The following FASTKD1 variants were observed in gnomAD, a reference collection of about 807,000 sequenced individuals.
The protein encoded by FASTKD1 is FAST kinase domains 1, also known as FAST kinase domain-containing protein 1, mitochondrial.
A neutral mutation model predicts 90.9 loss-of-function variants in FASTKD1; 94 were observed. The observed-to-expected ratio is 1.03, with a 90% CI of 0.88 to 1.23. The LOEUF is 1.23. Among genes scored for constraint, FASTKD1 ranks in the 50% most tolerant of loss-of-function variants. The pLI, the probability that FASTKD1 is intolerant of heterozygous loss-of-function variation, is 0.00. For synonymous variants in FASTKD1, 319 were observed against 345.8 expected (o/e 0.92, Z 0.86); for missense variants, 945 against 993.5 (o/e 0.95, Z 0.66).
intron 7 of FASTKD1, among the ~76,000 whole-genome samples, chr2:169,552,064 G>C (rs1221263718): frequency 6.6e-6 from 1 of 152,148 alleles, no homozygotes; most frequent in Non-Finnish European, 1.5e-5. Context: ...AGTTCAAATA[G>C]ACTACATTCC....
chr2:169,571,745 A>C lies in FASTKD1; in HGVS notation c.285T>G (p.His95Gln), dbSNP rs1306190700. 1 of 1,613,888 alleles carries C rather than the reference A, an allele frequency of 6.2e-7. No homozygotes were observed. The highest frequency in any genetic ancestry group is 8.5e-7 in the Non-Finnish European group (1 of 1,179,830). The change falls in exon 2 of 15, where the codon CAT becomes CAG. Residue 95 changes from histidine to glutamine, a missense_variant. Transcript: ENST00000453153. ...AATTATGAAGAGTAAGAAATTGAGG[A>C]TGGTCTCTGACATACTCAGCATTTT... The part of the protein sequence containing the change: ...LLKNAEYVRD[H>Q]PQFLTLHNLA...
rs573563606 is a variant in FASTKD1, at chr2:169,546,521, G to A, written c.1398C>T (p.His466=). ...TSVLRWIQHD[H]MYLDNMTAKQ... ...TCGCAGTCATATTATCCAAATACAT[G>A]TGATCATGCTGAATCCATCTTAAAA... is the stretch of plus-strand genomic sequence containing the variant. Residue 466 remains histidine (H), a synonymous_variant, in exon 8 of 15, where the codon CAC becomes CAT. Coordinates refer to ENST00000453153, the MANE Select transcript of FASTKD1 (RefSeq NM_024622.6). 75 of 1,614,066 alleles carry A rather than the reference G, an allele frequency of 4.6e-5. 1 individual carries two copies. The African/African-American group carries it at 9.1e-4, about 20-fold the overall frequency.
chr2:169,546,761 T>A, intron 7 of FASTKD1, 57 bp from the exon 8 acceptor site: 1 of 1,489,214 alleles, frequency 6.7e-7, no homozygotes, highest in Non-Finnish European at 9.1e-7. Flanking sequence ...TATATATGTA[T>A]TAAAATATGA....
rs781608364 is a variant in FASTKD1, at chr2:169,546,443, T to C, written c.1476A>G (p.Gln492=). ...KLDHYGRQRL[Q]HSNSLDLLRK... ...GTAACAGATCCAAACTGTTGCTGTG[T>C]TGTAGTCTCTGACGACCATAGTGAT... is the stretch of plus-strand genomic sequence containing the variant. Residue 492 remains glutamine (Q), a synonymous_variant, in exon 8 of 15, where the codon CAA becomes CAG. Coordinates refer to ENST00000453153, the MANE Select transcript of FASTKD1 (RefSeq NM_024622.6). The C allele has an allele frequency of 6.2e-7, 1 of 1,614,214 alleles. No individual in the cohort carries two copies. The highest frequency in any genetic ancestry group is 1.3e-5 in the African/African-American group (1 of 75,066).
intron 8 of FASTKD1, among the ~76,000 whole-genome samples, chr2:169,545,425 C>T (rs1273774680): frequency 1.3e-5 from 2 of 152,308 alleles, no homozygotes; most frequent in East Asian, 3.9e-4. Flanking sequence ...TCATCCAATA[C>T]TTAATGACTT....
chr2:169,561,581 C>T (rs1027579532), intron 4 of FASTKD1, among the ~76,000 whole-genome samples: 4 of 151,152 alleles, frequency 2.6e-5, no homozygotes, highest in African/African-American at 9.7e-5. Context: ...TATTAACTCT[C>T]CTTTATGAAA....
chr2:169,532,387 G>A (rs559141165), intron 12 of FASTKD1, among the ~76,000 whole-genome samples: 1 of 149,884 alleles, frequency 6.7e-6, no homozygotes, highest in African/African-American at 2.5e-5. Flanking sequence ...CCTCAGCCTA[G>A]GCAGCAGAGC....
Position 169,563,405 on chromosome 2 carries a change from CATAAT to C in FASTKD1, c.447-60_447-56del. On this transcript the variant is annotated intron_variant, in intron 3 of 14. Coordinates refer to ENST00000453153, the MANE Select transcript of FASTKD1 (RefSeq NM_024622.6). ...TTAGTATTTACTTTCACTTAAAACA[CATAAT>C]ATATAGTTATAAAATTAAAAGCAAT... 13 of 1,271,902 alleles carry C rather than the reference CATAAT, an allele frequency of 1.0e-5. 1 individual carries two copies. The Middle Eastern group carries it at 2.2e-3, about 219-fold the overall frequency. The allele number at this position is 1,271,902 out of a possible 1,614,324, so 78.8% of individuals were successfully genotyped here.
intron 12 of FASTKD1, among the ~76,000 whole-genome samples, chr2:169,532,775 G>A (rs1574363279): frequency 6.6e-6 from 1 of 151,976 alleles, no homozygotes; most frequent in South Asian, 2.1e-4. Flanking sequence ...TCCCAATTTG[G>A]ACAAACTATA....
chr2:169,538,814 G>A (rs1414466177), intron 10 of FASTKD1, among the ~76,000 whole-genome samples: 4 of 151,834 alleles, frequency 2.6e-5, no homozygotes, highest in Admixed American at 2.6e-4. Context: ...GAAACAATCT[G>A]TGACAAATTT....
intron 1 of FASTKD1, among the ~76,000 whole-genome samples, chr2:169,572,524 T>A (rs2105449644): frequency 6.6e-6 from 1 of 150,438 alleles, no homozygotes; most frequent in Non-Finnish European, 1.5e-5. Flanking sequence ...TTCAGAGCCA[T>A]ATATATTTAT....
intron 5 of FASTKD1, 38 bp from the exon 6 acceptor site, chr2:169,557,335 T>G (rs1310935420): frequency 8.3e-7 from 1 of 1,210,632 alleles, no homozygotes; most frequent in South Asian, 1.3e-5. Flanking sequence ...GTTGAAAGAC[T>G]GAAAATTAGC....
chr2:169,530,987 G>C, intron 13 of FASTKD1: 1 of 667,600 alleles, frequency 1.5e-6, no homozygotes, highest in South Asian at 1.4e-5. Flanking sequence ...CAAATATGAA[G>C]CAACACAGCT....
Position 169,563,785 on chromosome 2 carries a change from A to G in FASTKD1, c.447-435T>C, listed in dbSNP as rs1035899532. On this transcript the variant is annotated intron_variant, in intron 3 of 14. Transcript: ENST00000453153. ...AAAAAACAAGCATAAGAAAATTCAC[A>G]GCAACACATATGTAATAGCAAAACC... 2.0e-5 allele frequency among the ~76,000 whole-genome samples: 3 copies of G among 152,224 alleles called. No individual in the cohort carries two copies. The East Asian group carries it at 5.8e-4, about 29-fold the overall frequency.
At chr2:169,561,812 T>TTGTAAATTATTTATTAATTTAC (rs1683643676) in intron 4 of FASTKD1, among the ~76,000 whole-genome samples, 2 of 146,330 alleles carry the variant, frequency 1.4e-5, no homozygotes, top group Non-Finnish European at 3.0e-5. Context: ...TATTAATTTA[T>TTGTAAATTATTTATTAATTTAC]TGTAAATTAT....
chr2:169,555,121 T>TA lies in FASTKD1; in HGVS notation c.1214+2dup. 1 of 1,607,456 alleles carries TA rather than the reference T, an allele frequency of 6.2e-7. No homozygotes were observed. Among genetic ancestry groups the TA allele is most frequent in the Non-Finnish European group, 8.5e-7 (1 of 1,178,050 alleles). On this transcript the variant is annotated splice_region_variant and intron_variant, in intron 7 of 14. Coordinates refer to ENST00000453153, the MANE Select transcript of FASTKD1 (RefSeq NM_024622.6). ...CTAAACAAAATTTCTATTTTAATCT[T>TA]ACCTAAGCAGTAATTCTCTAAGTTT...
intron 3 of FASTKD1, 29 bp from the exon 4 acceptor site, chr2:169,563,379 A>T (rs1683800254): frequency 1.3e-6 from 2 of 1,482,832 alleles, no homozygotes. Context: ...AAAGGAGAAC[A>T]TTAGTATTTA....
At chr2:169,555,072 A>G in intron 7 of FASTKD1, 52 bp downstream of exon 7, 1 of 1,547,912 alleles carries the variant, frequency 6.5e-7, no homozygotes, top group Non-Finnish European at 8.8e-7. Flanking sequence ...AACAAAACAA[A>G]TATTGTGGCT....
rs192434739 is a variant in FASTKD1 at position 169,561,891 on chromosome 2, A to G, written c.573-1106T>C. ...ATTATTTATTAATTTATTGTAAATT[A>G]TTTATTATAAATTATTTATTTATTG... On this transcript the variant is annotated intron_variant, in intron 4 of 14. Transcript: ENST00000453153. Among the ~76,000 whole-genome samples the G allele has an allele frequency of 3.6e-3, 504 of 141,158 alleles. 5 individuals are homozygous for G. Among genetic ancestry groups the G allele is most frequent in the African/African-American group, 0.012 (480 of 38,574 alleles). 92.6% of individuals were successfully genotyped at this position (141,158 alleles called of 152,430 possible). A position where few individuals can be genotyped will look rare whatever the true frequency, so the allele number is the denominator to read the frequency against.
Sources: gnomAD v4.1 joint callset for allele counts (sites outside exome capture counted in the v4.1 genomes callset) on GRCh38, gnomAD v4.1.1 for gene constraint, MANE v1.5 for transcripts, NCBI Gene and HGNC (gene_info 2026-07-23, HGNC 2026-07-21) for gene names.